Variants in LYZL6 observed in about 807,000 individuals in gnomAD.
The protein encoded by LYZL6 is lysozyme-like protein 6.
LYZL6 carries 21 observed loss-of-function variants against 15.0 expected under a neutral mutation model. That is an observed-to-expected ratio of 1.40 (90% CI 1.00 to 2.02). LYZL6 has a LOEUF of 2.02. LYZL6 is among the 30% of genes most tolerant of loss of function. The probability of loss-of-function intolerance (pLI) is 0.00; values close to 1 mark genes in which losing one functional copy is unlikely to be tolerated. For missense variants in LYZL6, 173 were observed against 180.5 expected, an observed-to-expected ratio of 0.96 and a Z score of 0.24; for synonymous variants, 72 against 67.8, an observed-to-expected ratio of 1.06 and a Z score of -0.31.
At chr17:35,936,958 T>TC in intron 3 of LYZL6, 125 bp from the exon 4 acceptor site, 2 of 778,008 alleles carry the variant, frequency 2.6e-6, no homozygotes, top group South Asian at 3.1e-5. Context: ...AAAGGCTGTC[T>TC]CCCAGGGGGC....
intron 3 of LYZL6, 49 bp downstream of exon 3, chr17:35,937,709 G>C (rs1568420760): frequency 1.3e-6 from 2 of 1,582,834 alleles, no homozygotes; most frequent in East Asian, 2.3e-5. Flanking sequence ...TCTGTGAGCA[G>C]AGCCTGGTTG....
At chr17:35,938,434 A>C (rs1342025501) in intron 2 of LYZL6, among the ~76,000 whole-genome samples, 1 of 152,052 alleles carries the variant, frequency 6.6e-6, no homozygotes, top group Non-Finnish European at 1.5e-5. Context: ...CCTGGCTAAC[A>C]CGGTGAAACC....
chr17:35,935,836 CAG>C (rs1482188557), intron 4 of LYZL6, among the ~76,000 whole-genome samples: 32 of 141,232 alleles, frequency 2.3e-4, no homozygotes, highest in African/African-American at 8.6e-4. Flanking sequence ...TTTTTTTAAA[CAG>C]AGTCTCATTC....
chr17:35,943,009 G>A (rs922822607), intron 1 of LYZL6, among the ~76,000 whole-genome samples: 1 of 152,048 alleles, frequency 6.6e-6, no homozygotes, highest in Admixed American at 6.6e-5. Flanking sequence ...CTGAACCATC[G>A]GGCTCTAGGA....
At chr17:35,937,075 TA>T (rs2089380729) in intron 3 of LYZL6, among the ~76,000 whole-genome samples, 1 of 152,238 alleles carries the variant, frequency 6.6e-6, no homozygotes, top group Non-Finnish European at 1.5e-5. Flanking sequence ...CTATTCTTCC[TA>T]ACCAGGGTAG....
At chr17:35,942,147 T>G (rs1448964683) in intron 1 of LYZL6, among the ~76,000 whole-genome samples, 1 of 152,150 alleles carries the variant, frequency 6.6e-6, no homozygotes. Flanking sequence ...CCTGTATTCT[T>G]CAAAATGGCC....
At chr17:35,936,428 C>T (rs1024139421) in intron 4 of LYZL6, among the ~76,000 whole-genome samples, 15 of 152,174 alleles carry the variant, frequency 9.9e-5, no homozygotes, top group Non-Finnish European at 1.8e-4. Flanking sequence ...CTGCCATGGA[C>T]AGTGTGCTGA....
At chr17:35,938,006 C>T (rs1005179447) in intron 2 of LYZL6, 90 bp from the exon 3 acceptor site, 1 of 1,322,104 alleles carries the variant, frequency 7.6e-7, no homozygotes, top group African/African-American at 1.5e-5. Flanking sequence ...AGGTTTCAGA[C>T]AAAAGGAACA....
intron 3 of LYZL6, among the ~76,000 whole-genome samples, chr17:35,937,404 TTG>T (rs1390854914): frequency 1.3e-5 from 2 of 152,240 alleles, no homozygotes; most frequent in African/African-American, 4.8e-5. Flanking sequence ...GTTTGCTGTT[TTG>T]TAAAGTAGGG....
At position 35,939,258 on chromosome 17, in the gene LYZL6, C is replaced by A; in HGVS notation, c.99G>T (p.Leu33=). The A allele has an allele frequency of 6.2e-7, 1 of 1,614,188 alleles. No homozygotes were observed. The highest frequency in any genetic ancestry group is 8.5e-7 in the Non-Finnish European group (1 of 1,180,034). Residue 33 remains leucine, a synonymous_variant, in exon 2 of 5, where the codon CTG becomes CTT. Transcript: ENST00000615905. ...SRCDLAQVLQ[L]EDLDGFEGYS... ...AACCCTCAAACCCATCCAAGTCCTC[C>A]AGCTGCAGCACCTGGGCCAAGTCAC... is the stretch of plus-strand genomic sequence containing the variant.
chr17:35,941,448 T>G (rs1000873860), intron 1 of LYZL6, among the ~76,000 whole-genome samples: 1 of 152,202 alleles, frequency 6.6e-6, no homozygotes, highest in African/African-American at 2.4e-5. Flanking sequence ...GCCTTTCACT[T>G]TCTTGGTGGT....
At chr17:35,941,623 T>C (rs1184286011) in intron 1 of LYZL6, among the ~76,000 whole-genome samples, 1 of 152,190 alleles carries the variant, frequency 6.6e-6, no homozygotes, top group Non-Finnish European at 1.5e-5. Flanking sequence ...TAACAGATTA[T>C]ACATTAAATG....
intron 4 of LYZL6, among the ~76,000 whole-genome samples, chr17:35,935,840 G>T (rs1215898549): frequency 3.0e-5 from 4 of 132,404 alleles, no homozygotes; most frequent in African/African-American, 5.7e-5. Flanking sequence ...TTTAAACAGA[G>T]TCTCATTCTG....
At position 35,934,920 on chromosome 17, in the gene LYZL6, CAT is replaced by C. The variant is rs556732308; in HGVS notation, c.378-57_378-56del. ...TCACACTCAGTAACTCTTCCACACA[CAT>C]GACCCAGTTCTTGGTGAGTCTCGCA... On this transcript the variant is annotated intron_variant, in intron 4 of 4. Transcript: ENST00000615905. 675 of 1,557,428 alleles carry C rather than the reference CAT, an allele frequency of 4.3e-4. 4 individuals carry two copies. The African/African-American group carries it at 7.9e-3, about 18-fold the overall frequency.
In LYZL6 at chr17:35,937,789, G is replaced by A. The variant is rs770182182; in HGVS notation, c.267C>T (p.Tyr89=). The change falls in exon 3 of 5, where the codon TAC becomes TAT. Residue 89 remains tyrosine (Y), a synonymous_variant. Transcript: ENST00000615905. Reference sequence around the variant, plus strand: ...AGTCTACGTGGCAAAGGTTTTCCGAGTAACTCTTATAATCGTTGCACCAGT... The same window carrying A: ...AGTCTACGTGGCAAAGGTTTTCCGAATAACTCTTATAATCGTTGCACCAGT... ...SHYWCNDYKS[Y]SENLCHVDCQ... is the part of the protein sequence containing the mutation. 8.7e-6 allele frequency: 14 copies of A among 1,614,042 alleles called. No individual in the cohort carries two copies. In the Admixed American group the frequency reaches 2.0e-4, roughly 23 times the overall value.
chr17:35,937,363 C>G (rs1273029752), intron 3 of LYZL6, among the ~76,000 whole-genome samples: 2 of 152,218 alleles, frequency 1.3e-5, no homozygotes, highest in Non-Finnish European at 2.9e-5. Context: ...ATTAGTCTGG[C>G]ATTCAATGCT....
At chr17:35,941,405 T>C (rs1324987861) in intron 1 of LYZL6, among the ~76,000 whole-genome samples, 6 of 152,314 alleles carry the variant, frequency 3.9e-5, no homozygotes, top group Admixed American at 3.3e-4. Context: ...GCATCAGATA[T>C]ATGGCAGATA....
intron 1 of LYZL6, among the ~76,000 whole-genome samples, chr17:35,940,505 C>T (rs2089417402): frequency 6.6e-6 from 1 of 152,194 alleles, no homozygotes; most frequent in Non-Finnish European, 1.5e-5. Context: ...TTGGTAACAG[C>T]ATTATTGAGA....
chr17:35,934,761 C>G lies in LYZL6; in HGVS notation c.*35G>C. On this transcript the variant is annotated 3_prime_UTR_variant, in exon 5 of 5. Transcript: ENST00000615905. Reference sequence around the variant, plus strand: ...AGAATCCCTGAGTGAGGACAGGAGTCTTGGAATGACTCCACGGTGCACCCG... The same window carrying G: ...AGAATCCCTGAGTGAGGACAGGAGTGTTGGAATGACTCCACGGTGCACCCG... 1 of 1,600,514 alleles carries G rather than the reference C, an allele frequency of 6.2e-7. No homozygotes were observed.
Sources: allele counts gnomAD v4.1 joint callset (sites outside exome capture counted in the v4.1 genomes callset), GRCh38; gene constraint gnomAD v4.1.1; transcripts MANE v1.5; gene names NCBI Gene and HGNC (gene_info 2026-07-23, HGNC 2026-07-21).